The following MICAL2 variants were observed in gnomAD, a reference collection of about 807,000 sequenced individuals.
The protein encoded by MICAL2 is [F-actin]-monooxygenase MICAL2.
A neutral mutation model predicts 127.3 loss-of-function variants in MICAL2; 77 were observed. The observed-to-expected ratio is 0.60, with a 90% confidence interval of 0.50 to 0.73. The LOEUF (loss-of-function observed/expected upper bound fraction) is 0.73, where lower values mean the gene tolerates loss of function less well. Ranked by LOEUF, MICAL2 falls within the 30% of genes least tolerant of loss-of-function variation. The probability of loss-of-function intolerance (pLI) is 0.00; values close to 1 mark genes in which losing one functional copy is unlikely to be tolerated. For synonymous variants in MICAL2, 570 were observed against 551.1 expected, an observed-to-expected ratio of 1.03 and a Z score of -0.48; for missense variants, 1,351 against 1,434.4, an observed-to-expected ratio of 0.94 and a Z score of 0.94.
chr11:12,148,601 A>G lies in MICAL2; in HGVS notation c.-78+10141A>G, dbSNP rs75635550. On this transcript the variant is annotated intron_variant, in intron 2 of 27. Coordinates refer to ENST00000683283, the MANE Select transcript of MICAL2 (RefSeq NM_001282663.2). Reference sequence around the variant, plus strand: ...CACACTCTAGCCACTACACACCCTGAATTGTGTGCGATACTCTTGATTTGA... The same window carrying G: ...CACACTCTAGCCACTACACACCCTGGATTGTGTGCGATACTCTTGATTTGA... Among the ~76,000 whole-genome samples the G allele has an allele frequency of 8.8e-3, 1,333 of 152,246 alleles. 21 individuals are homozygous for G. The highest frequency in any genetic ancestry group is 0.03 in the African/African-American group (1,254 of 41,540).
intron 3 of MICAL2, among the ~76,000 whole-genome samples, chr11:12,178,813 C>CA (rs2133931547): frequency 6.6e-6 from 1 of 152,038 alleles, no homozygotes; most frequent in African/African-American, 2.4e-5. Context: ...CCTCTGCCTC[C>CA]AGGGCTCAAG....
At chr11:12,293,727 G>A (rs1269057924), downstream of MICAL2, 2 of 1,613,916 alleles carry the variant, frequency 1.2e-6, no homozygotes, top group Non-Finnish European at 1.7e-6. Flanking sequence ...GTGAGCCCTG[G>A]TGAAGATGGC....
At chr11:12,330,896 AGAGAGTGTGT>A (rs1442077330) in intron 32 of MICAL2, among the ~76,000 whole-genome samples, 28 of 116,848 alleles carry the variant, frequency 2.4e-4, no homozygotes, top group African/African-American at 9.3e-4. Flanking sequence ...AGAGAGAGAG[AGAGAGTGTGT>A]GTGTGTGTGT....
At chr11:12,249,344 C>A (rs1861224338) in intron 22 of MICAL2, 98 bp downstream of exon 22, 2 of 726,764 alleles carry the variant, frequency 2.8e-6, no homozygotes, top group Non-Finnish European at 4.9e-6. Flanking sequence ...ATATGATCAG[C>A]AGCAGTACAG....
At chr11:12,346,265 G>T (rs557331968) in intron 32 of MICAL2, among the ~76,000 whole-genome samples, 1 of 152,282 alleles carries the variant, frequency 6.6e-6, no homozygotes, top group Admixed American at 6.5e-5. Flanking sequence ...CATGTGTATT[G>T]TATGATTTCA....
At chr11:12,322,714 C>G (rs73422768) in intron 30 of MICAL2, among the ~76,000 whole-genome samples, 1,962 of 152,208 alleles carry the variant, frequency 0.013, 38 homozygotes, top group African/African-American at 0.045. Flanking sequence ...TACAGAATGT[C>G]TGTGTGTGTA....
At position 12,214,098 on chromosome 11, in the gene MICAL2, C is replaced by G. The variant is rs1229114927; in HGVS notation, c.847+688C>G. On this transcript the variant is annotated intron_variant, in intron 7 of 27. Coordinates refer to ENST00000683283, the MANE Select transcript of MICAL2 (RefSeq NM_001282663.2). Reference sequence around the variant, plus strand: ...TGGGCTTATATTCTACGAGAATAGACAGTCAATACACAAATAAACCAGTGA... The same window carrying G: ...TGGGCTTATATTCTACGAGAATAGAGAGTCAATACACAAATAAACCAGTGA... Among the ~76,000 whole-genome samples the G allele has an allele frequency of 2.0e-5, 3 of 152,092 alleles. No homozygotes were observed. In the East Asian group the frequency reaches 5.8e-4, roughly 29 times the overall value.
downstream of MICAL2, among the ~76,000 whole-genome samples, chr11:12,288,140 C>T (rs1030890607): frequency 1.6e-4 from 24 of 152,212 alleles, no homozygotes; most frequent in African/African-American, 5.5e-4. Context: ...CAGGGCTGCA[C>T]TCTTGGGCAG....
At chr11:12,123,739 AG>A (rs1850693252) in intron 1 of MICAL2, among the ~76,000 whole-genome samples, 1 of 152,176 alleles carries the variant, frequency 6.6e-6, no homozygotes, top group Non-Finnish European at 1.5e-5. Flanking sequence ...CGTTATTTAA[AG>A]ACAGCCCTCT....
intron 29 of MICAL2, among the ~76,000 whole-genome samples, chr11:12,313,589 ATATGTG>A (rs1864199354): frequency 6.6e-6 from 1 of 152,248 alleles, no homozygotes; most frequent in Non-Finnish European, 1.5e-5. Context: ...AATAATTTAT[ATATGTG>A]TATATGTACA....
chr11:12,162,166 A>T lies in MICAL2; in HGVS notation c.11A>T (p.Asn4Ile). 1 of 1,614,128 alleles carries T rather than the reference A, an allele frequency of 6.2e-7. No homozygotes were observed. Among genetic ancestry groups the T allele is most frequent in the Non-Finnish European group, 8.5e-7 (1 of 1,180,032 alleles). MGE[N>I]EDEKQAQAGQ... Reference sequence around the variant, plus strand: ...CACGACTCCTGAACCATGGGGGAAAACGAGGATGAGAAGCAGGCCCAGGCG... The same window carrying T: ...CACGACTCCTGAACCATGGGGGAAATCGAGGATGAGAAGCAGGCCCAGGCG... The change falls in exon 3 of 28, where the codon AAC (asparagine) becomes ATC (isoleucine). Residue 4 changes from asparagine (N) to isoleucine (I), a missense_variant. Coordinates refer to ENST00000683283, the MANE Select transcript of MICAL2 (RefSeq NM_001282663.2).
chr11:12,166,139 A>G (rs1222709866), intron 3 of MICAL2, among the ~76,000 whole-genome samples: 1 of 152,194 alleles, frequency 6.6e-6, no homozygotes. Flanking sequence ...TATAATCACA[A>G]AATTTTGGAC....
intron 2 of MICAL2, among the ~76,000 whole-genome samples, chr11:12,147,165 A>T (rs1327539719): frequency 1.3e-5 from 2 of 152,274 alleles, no homozygotes; most frequent in East Asian, 1.9e-4. Context: ...CATATGTAAC[A>T]AACCTGCACA....
downstream of MICAL2, among the ~76,000 whole-genome samples, chr11:12,264,554 G>T (rs763580184): frequency 6.9e-6 from 1 of 144,528 alleles, no homozygotes; most frequent in South Asian, 2.1e-4. Flanking sequence ...CTGGCTGGGC[G>T]TAGCTGGGCG....
At chr11:12,191,965 C>A (rs1201070775) in intron 3 of MICAL2, among the ~76,000 whole-genome samples, 2 of 151,948 alleles carry the variant, frequency 1.3e-5, no homozygotes, top group African/African-American at 4.8e-5. Context: ...GCAGGAGGAC[C>A]AGCAAGGAGC....
intron 5 of MICAL2, 128 bp from the exon 6 acceptor site, chr11:12,209,369 C>A (rs890799127): frequency 1.3e-6 from 1 of 763,032 alleles, no homozygotes; most frequent in Admixed American, 1.8e-5. Context: ...AGCCTTTCCC[C>A]TGGAGGCTCT....
intron 15 of MICAL2, among the ~76,000 whole-genome samples, chr11:12,230,697 G>A (rs756870323): frequency 6.9e-6 from 1 of 145,534 alleles, no homozygotes; most frequent in African/African-American, 2.6e-5. Context: ...TTTCACTGAC[G>A]ATGTTAAATT....
intron 12 of MICAL2, 61 bp from the exon 13 acceptor site, chr11:12,224,612 G>T (rs574355437): frequency 2.9e-5 from 45 of 1,575,504 alleles, no homozygotes; most frequent in Middle Eastern, 3.7e-4. Flanking sequence ...AGAAGGGAGC[G>T]CCAGGGCAGA....
rs61877160 is a variant in MICAL2, at chr11:12,218,211, G to A, written c.948+1892G>A. Among the ~76,000 whole-genome samples the A allele has an allele frequency of 2.3e-3, 354 of 152,304 alleles. 2 individuals are homozygous for A. Among genetic ancestry groups the A allele is most frequent in the Admixed American group, 4.2e-3 (65 of 15,310 alleles). On this transcript the variant is annotated intron_variant, in intron 8 of 27. Coordinates refer to ENST00000683283, the MANE Select transcript of MICAL2 (RefSeq NM_001282663.2). ...CAGCCGTGCCTCTGGGCTCTCAGCT[G>A]TGCCCATCTTTCTCTTCCCCACAGG...
Sources: allele counts gnomAD v4.1 joint callset (sites outside exome capture counted in the v4.1 genomes callset), GRCh38; gene constraint gnomAD v4.1.1; transcripts MANE v1.5; gene names NCBI Gene and HGNC (gene_info 2026-07-23, HGNC 2026-07-21).